The following FAM151B variants were observed in gnomAD, a reference collection of about 807,000 sequenced individuals.
FAM151B encodes protein FAM151B.
In FAM151B, 24 loss-of-function variants were observed where a neutral mutation model predicts 31.2. The observed-to-expected ratio is 0.77, with a 90% CI of 0.56 to 1.08. The LOEUF is 1.08. Among genes scored for constraint, FAM151B ranks in the 50% least tolerant of loss-of-function variants. FAM151B has a pLI of 0.00. For missense variants in FAM151B, 293 were observed against 328.6 expected (o/e 0.89, Z 0.84); for synonymous variants, 105 against 111.4 (o/e 0.94, Z 0.36).
chr5:80,490,019 T>TAAACACACACACACAC (rs1554055218), intron 1 of FAM151B, among the ~76,000 whole-genome samples: 3 of 144,596 alleles, frequency 2.1e-5, no homozygotes, highest in African/African-American at 7.7e-5. Flanking sequence ...TTTTCCCCCT[T>TAAACACACACACACAC]ACACACACAC....
rs1580417967 is a variant in FAM151B at position 80,502,751 on chromosome 5, AT to A, written c.151+839del. Among the ~76,000 whole-genome samples, 3 of 152,326 alleles carry A rather than the reference AT, an allele frequency of 2.0e-5. No homozygotes were observed. In the East Asian group the frequency reaches 5.8e-4, roughly 29 times the overall value. ...CATATTTTATTATAAAAGTGTATGC[AT>A]TTTTGCATCCTAATTCATTATATAT... On this transcript the variant is annotated intron_variant, in intron 2 of 5. Coordinates refer to ENST00000282226, the MANE Select transcript of FAM151B (RefSeq NM_205548.3).
intron 1 of FAM151B, among the ~76,000 whole-genome samples, chr5:80,494,719 G>GC (rs765456095): frequency 2.0e-5 from 3 of 151,734 alleles, no homozygotes; most frequent in Non-Finnish European, 4.4e-5. Flanking sequence ...TCGTCATGTT[G>GC]CCCCAGCTGG....
At chr5:80,516,781 G>T (rs1028543613) in intron 3 of FAM151B, among the ~76,000 whole-genome samples, 1 of 152,202 alleles carries the variant, frequency 6.6e-6, no homozygotes, top group Admixed American at 6.5e-5. Flanking sequence ...TTAGAAGGAT[G>T]TGTCATTTTA....
chr5:80,490,910 T>C (rs1383734897), intron 1 of FAM151B, among the ~76,000 whole-genome samples: 1 of 152,254 alleles, frequency 6.6e-6, no homozygotes, highest in Non-Finnish European at 1.5e-5. Flanking sequence ...TGGTACATTG[T>C]CTTTAATGGT....
chr5:80,541,678 G>C lies in FAM151B; in HGVS notation c.677G>C (p.Ser226Thr). The change falls in exon 6 of 6, where the codon AGC becomes ACC. Residue 226 changes from serine (S) to threonine (T), a missense_variant. Transcript: ENST00000282226. ...TCTGTTTTATTTCAATGCAGGTACA[G>C]CCTGACTATTTGGACTGGAAAAAAT... ...LWLLKKSNRY[S>T]LTIWTGKNDN... 1 of 1,613,382 alleles carries C rather than the reference G, an allele frequency of 6.2e-7. No individual in the cohort carries two copies. The highest frequency in any genetic ancestry group is 1.1e-5 in the South Asian group (1 of 91,002).
At position 80,542,083 on chromosome 5, in the gene FAM151B, C is replaced by T. The variant is rs1745924306; in HGVS notation, c.*251C>T. On this transcript the variant is annotated 3_prime_UTR_variant, in exon 6 of 6. Transcript: ENST00000282226. ...AATAATTCAGGAAAATGATACTCTG[C>T]ACCCCTTCATAAAAATAGTTTTGAT... The T allele has an allele frequency of 1.3e-5, 5 of 385,496 alleles. No homozygotes were observed. The highest frequency in any genetic ancestry group is 4.2e-5 in the African/African-American group (2 of 47,882). The allele number at this position is 385,496 out of a possible 1,614,324, so 23.9% of individuals were successfully genotyped here.
chr5:80,497,926 A>G (rs1008685131), intron 1 of FAM151B, among the ~76,000 whole-genome samples: 1 of 152,202 alleles, frequency 6.6e-6, no homozygotes, highest in Non-Finnish European at 1.5e-5. Context: ...CATGTACCCT[A>G]GAACTTAAAT....
intron 1 of FAM151B, among the ~76,000 whole-genome samples, chr5:80,489,646 C>G (rs1309675437): frequency 6.6e-6 from 1 of 152,178 alleles, no homozygotes; most frequent in Admixed American, 6.5e-5. Flanking sequence ...ATTTTTGGGC[C>G]GGGCGCGGTG....
intron 5 of FAM151B, among the ~76,000 whole-genome samples, chr5:80,529,341 A>G (rs965496097): frequency 1.3e-5 from 2 of 152,318 alleles, no homozygotes; most frequent in African/African-American, 4.8e-5. Context: ...GAGAAGCAAG[A>G]GCAAACCCAT....
At chr5:80,494,227 G>A (rs1743419966) in intron 1 of FAM151B, among the ~76,000 whole-genome samples, 1 of 152,194 alleles carries the variant, frequency 6.6e-6, no homozygotes, top group South Asian at 2.1e-4. Flanking sequence ...TGAAGACTGT[G>A]AGAAGTGCAG....
At chr5:80,523,750 G>A (rs190346132) in intron 5 of FAM151B, among the ~76,000 whole-genome samples, 2 of 152,122 alleles carry the variant, frequency 1.3e-5, no homozygotes, top group African/African-American at 4.8e-5. Context: ...CCATTTGCAT[G>A]TGGGAAAATT....
intron 1 of FAM151B, among the ~76,000 whole-genome samples, chr5:80,498,172 C>T (rs568594461): frequency 6.6e-6 from 1 of 152,302 alleles, no homozygotes; most frequent in African/African-American, 2.4e-5. Context: ...AATGTGCCTT[C>T]TAAAATGGCT....
rs140442820 is a variant in FAM151B, at chr5:80,540,939, GGATTCT to G, written c.672-731_672-726del. Among the ~76,000 whole-genome samples the G allele has an allele frequency of 5.0e-3, 767 of 152,206 alleles. 28 individuals are homozygous for G. In the East Asian group the frequency reaches 0.096, roughly 19 times the overall value. ...AAAAAATGCTTTGGAAATTTTCCCT[GGATTCT>G]GACAAGCTTATGGGGAATATAAATA... On this transcript the variant is annotated intron_variant, in intron 5 of 5. Coordinates refer to ENST00000282226, the MANE Select transcript of FAM151B (RefSeq NM_205548.3).
chr5:80,490,120 G>T (rs1743268793), intron 1 of FAM151B, among the ~76,000 whole-genome samples: 1 of 152,044 alleles, frequency 6.6e-6, no homozygotes, highest in East Asian at 1.9e-4. Flanking sequence ...CTGGCCGGGC[G>T]TGGTGGTTTA....
intron 3 of FAM151B, among the ~76,000 whole-genome samples, chr5:80,514,961 C>A (rs575386568): frequency 6.6e-6 from 1 of 151,742 alleles, no homozygotes; most frequent in Admixed American, 6.6e-5. Flanking sequence ...TTTTTTCGAC[C>A]GGGCACGGTG....
intron 3 of FAM151B, among the ~76,000 whole-genome samples, chr5:80,514,192 C>T (rs1014244971): frequency 6.6e-6 from 1 of 152,038 alleles, no homozygotes; most frequent in East Asian, 1.9e-4. Context: ...TGCTTGGAGG[C>T]AGCCGGGCAC....
At chr5:80,531,148 AT>A (rs1745226353) in intron 5 of FAM151B, among the ~76,000 whole-genome samples, 1 of 152,214 alleles carries the variant, frequency 6.6e-6, no homozygotes, top group Non-Finnish European at 1.5e-5. Context: ...AGGATTCCCT[AT>A]TTAATAAATG....
chr5:80,535,754 A>G (rs1745469707), intron 5 of FAM151B, among the ~76,000 whole-genome samples: 1 of 152,224 alleles, frequency 6.6e-6, no homozygotes. Context: ...ACATCAAGTC[A>G]TAAAGCTTCT....
intron 3 of FAM151B, among the ~76,000 whole-genome samples, chr5:80,514,793 A>T (rs1159222899): frequency 6.6e-6 from 1 of 152,156 alleles, no homozygotes; most frequent in Non-Finnish European, 1.5e-5. Context: ...ATCTTGTAGG[A>T]TTCTTAAGAT....
Sources: gnomAD v4.1 joint callset for allele counts (sites outside exome capture counted in the v4.1 genomes callset) on GRCh38, gnomAD v4.1.1 for gene constraint, MANE v1.5 for transcripts, NCBI Gene and HGNC (gene_info 2026-07-23, HGNC 2026-07-21) for gene names.